NFIB: variants seen among roughly 807,000 people sequenced by gnomAD.
NFIB encodes the protein nuclear factor I B.
NFIB carries 11 observed loss-of-function variants against 61.5 expected under a neutral mutation model. The ratio of observed to expected loss-of-function variants is 0.18; its 90% CI spans 0.11 to 0.30. The LOEUF is 0.30. Ranked by LOEUF, NFIB falls within the 10% of genes least tolerant of loss-of-function variation. The probability of loss-of-function intolerance (pLI) is 1.00; values close to 1 mark genes in which losing one functional copy is unlikely to be tolerated. For synonymous variants in NFIB, 260 were observed against 216.5 expected, an observed-to-expected ratio of 1.20 and a Z score of -1.76; for missense variants, 471 against 608.9, an observed-to-expected ratio of 0.77 and a Z score of 2.38.
intron 3 of NFIB, among the ~76,000 whole-genome samples, chr9:14,174,969 A>C (rs1226499555): frequency 2.0e-5 from 3 of 152,004 alleles, no homozygotes; most frequent in Non-Finnish European, 4.4e-5. Context: ...CTGAAAAATC[A>C]AGCAAATATC....
chr9:14,474,392 A>G, the NFIB span, among the ~76,000 whole-genome samples: 3 of 151,778 alleles, frequency 2.0e-5, no homozygotes, highest in Non-Finnish European at 4.4e-5. Flanking sequence ...AAACCTAATC[A>G]CCCCCCAATG....
At chr9:14,112,782 A>G (rs116092070) in intron 10 of NFIB, among the ~76,000 whole-genome samples, 3,280 of 152,258 alleles carry the variant, frequency 0.022, 118 homozygotes, top group African/African-American at 0.073. Flanking sequence ...AATATATGCT[A>G]CAGAGATGGA....
rs189786928 is a variant in NFIB, at chr9:14,120,896, T to C, written c.1061-272A>G. ...GGTTACAAAATCAGTTTCTCTTTTA[T>C]AGGTTATGTCAATACTTGATAAAAC... On this transcript the variant is annotated intron_variant, in intron 7 of 10. Transcript: ENST00000380953. The surrounding 1 kb of genome is among the most constrained non-coding windows in gnomAD (Gnocchi z 4.4). Among the ~76,000 whole-genome samples the C allele has an allele frequency of 9.8e-4, 150 of 152,330 alleles. No individual in the cohort carries two copies. The highest frequency in any genetic ancestry group is 1.1e-3 in the Non-Finnish European group (72 of 68,030).
the NFIB span, among the ~76,000 whole-genome samples, chr9:14,472,104 C>A: frequency 6.6e-6 from 1 of 152,166 alleles, no homozygotes; most frequent in Non-Finnish European, 1.5e-5. Context: ...TTGTCTTGGT[C>A]AATGGATTAC....
intron 6 of NFIB, among the ~76,000 whole-genome samples, chr9:14,141,514 T>C (rs1057045030): frequency 1.3e-5 from 2 of 152,288 alleles, no homozygotes; most frequent in East Asian, 3.9e-4. Context: ...CTCATAATCT[T>C]ATTTATTTTA....
chr9:14,219,114 T>G (rs1179102910), intron 2 of NFIB, among the ~76,000 whole-genome samples: 1 of 152,124 alleles, frequency 6.6e-6, no homozygotes, highest in Non-Finnish European at 1.5e-5. Flanking sequence ...TCTGATGGCT[T>G]TAGCCCTTCA....
intron 2 of NFIB, among the ~76,000 whole-genome samples, chr9:14,186,127 G>A (rs2047310549): frequency 6.6e-6 from 1 of 152,216 alleles, no homozygotes. Flanking sequence ...TTGGTGCAAA[G>A]AAGGAGCTGT....
intron 10 of NFIB, among the ~76,000 whole-genome samples, chr9:14,112,389 T>TG (rs1196939522): frequency 6.6e-6 from 1 of 152,136 alleles, no homozygotes; most frequent in East Asian, 1.9e-4. Flanking sequence ...TTGCATTAAA[T>TG]TTACAGCATT....
At chr9:14,527,737 C>T in the NFIB span, among the ~76,000 whole-genome samples, 2 of 152,078 alleles carry the variant, frequency 1.3e-5, no homozygotes, top group East Asian at 1.9e-4. Flanking sequence ...GACATAATAT[C>T]TTTAGACAAC....
chr9:14,133,019 G>A (rs1053566444), intron 6 of NFIB, among the ~76,000 whole-genome samples: 2 of 152,078 alleles, frequency 1.3e-5, no homozygotes, highest in African/African-American at 4.8e-5. Flanking sequence ...ACAGACCAGA[G>A]AAGGAAAGAA....
the NFIB span, among the ~76,000 whole-genome samples, chr9:14,462,867 T>A: frequency 6.6e-6 from 1 of 152,222 alleles, no homozygotes; most frequent in East Asian, 1.9e-4. Context: ...CTGTTAGTTA[T>A]TAACATGTTT....
chr9:14,460,443 A>G, the NFIB span, among the ~76,000 whole-genome samples: 1 of 152,068 alleles, frequency 6.6e-6, no homozygotes, highest in Admixed American at 6.5e-5. Flanking sequence ...GGTGCAGCAC[A>G]CCAACATGGC....
chr9:14,497,482 C>A, the NFIB span, among the ~76,000 whole-genome samples: 3 of 152,084 alleles, frequency 2.0e-5, no homozygotes, highest in Non-Finnish European at 2.9e-5. Flanking sequence ...AGTTGAGATT[C>A]TCTGATTTTA....
intron 3 of NFIB, among the ~76,000 whole-genome samples, chr9:14,156,632 G>C (rs912298669): frequency 2.0e-5 from 3 of 152,164 alleles, no homozygotes; most frequent in Admixed American, 2.0e-4. Flanking sequence ...GTCCACAGTG[G>C]CCATGGAGCC....
At chr9:14,159,294 G>A (rs2043853875) in intron 3 of NFIB, among the ~76,000 whole-genome samples, 1 of 152,164 alleles carries the variant, frequency 6.6e-6, no homozygotes, top group Admixed American at 6.5e-5. Context: ...GGAATCTACG[G>A]AAACAATGGA....
intron 7 of NFIB, among the ~76,000 whole-genome samples, chr9:14,123,249 C>CA (rs546131243): frequency 0.099 from 10,927 of 109,930 alleles, 1,375 homozygotes; most frequent in African/African-American, 0.31. Context: ...GACCCTGTCT[C>CA]AAAAAAAAAA....
intron 2 of NFIB, among the ~76,000 whole-genome samples, chr9:14,266,710 G>A (rs2057232046): frequency 6.6e-6 from 1 of 151,964 alleles, no homozygotes; most frequent in Non-Finnish European, 1.5e-5. Flanking sequence ...CAGTGATGCA[G>A]TCATCTTCCC....
the NFIB span, among the ~76,000 whole-genome samples, chr9:14,507,376 C>G: frequency 2.0e-5 from 3 of 152,196 alleles, no homozygotes; most frequent in Non-Finnish European, 4.4e-5. Context: ...ACAGTCAACA[C>G]GACAGTTGAT....
At chr9:14,301,228 G>C (rs2059731738) in intron 2 of NFIB, among the ~76,000 whole-genome samples, 1 of 152,150 alleles carries the variant, frequency 6.6e-6, no homozygotes, top group African/African-American at 2.4e-5. Flanking sequence ...GCATTCTTCA[G>C]GAGACCTGAC....
Sources: allele counts gnomAD v4.1 joint callset (sites outside exome capture counted in the v4.1 genomes callset), GRCh38; gene constraint gnomAD v4.1.1; non-coding constraint Gnocchi (gnomAD v3.1); transcripts MANE v1.5; gene names NCBI Gene and HGNC (gene_info 2026-07-23, HGNC 2026-07-21).